The following ZMAT4 variants were observed in gnomAD, a reference collection of about 807,000 sequenced individuals.
ZMAT4 encodes the protein zinc finger matrin-type protein 4.
ZMAT4 carries 17 observed loss-of-function variants against 28.7 expected under a neutral mutation model. The ratio of observed to expected loss-of-function variants is 0.59; its 90% CI spans 0.41 to 0.89. The LOEUF is 0.89. ZMAT4 is among the 40% of genes least tolerant of loss of function. The probability of loss-of-function intolerance (pLI) is 0.00; values close to 1 mark genes in which losing one functional copy is unlikely to be tolerated. For missense variants in ZMAT4, 240 were observed against 283.8 expected (o/e 0.85, Z 1.11); for synonymous variants, 117 against 109.2 (o/e 1.07, Z -0.44).
At chr8:40,747,967 G>C (rs1342570524) in intron 3 of ZMAT4, among the ~76,000 whole-genome samples, 1 of 151,720 alleles carries the variant, frequency 6.6e-6, no homozygotes, top group East Asian at 1.9e-4. Context: ...AATTTTAAAC[G>C]ACCAACATTG....
chr8:40,855,948 C>T (rs1203689073), intron 1 of ZMAT4, among the ~76,000 whole-genome samples: 1 of 152,084 alleles, frequency 6.6e-6, no homozygotes, highest in Non-Finnish European at 1.5e-5. Flanking sequence ...ACCTCGACCT[C>T]CCAAAGTGCT....
chr8:40,837,556 G>A (rs1816540905), intron 1 of ZMAT4, among the ~76,000 whole-genome samples: 1 of 152,182 alleles, frequency 6.6e-6, no homozygotes, highest in African/African-American at 2.4e-5. Context: ...AACCTCTTAT[G>A]TGCTTTGTAG....
At chr8:40,591,694 A>G (rs1047885527) in intron 5 of ZMAT4, among the ~76,000 whole-genome samples, 1 of 152,224 alleles carries the variant, frequency 6.6e-6, no homozygotes, top group Non-Finnish European at 1.5e-5. Flanking sequence ...CTTATTCTGT[A>G]TCATTCGTAG....
At chr8:40,610,827 GA>G (rs1585754977) in intron 5 of ZMAT4, among the ~76,000 whole-genome samples, 1 of 150,480 alleles carries the variant, frequency 6.6e-6, no homozygotes, top group African/African-American at 2.4e-5. Context: ...GGGAATAAGA[GA>G]TAGGCCATAG....
chr8:40,881,431 GAGAGAAAGAA>G (rs1818220396), intron 1 of ZMAT4, among the ~76,000 whole-genome samples: 2 of 101,666 alleles, frequency 2.0e-5, no homozygotes, highest in African/African-American at 8.2e-5. Context: ...AAAGAAGAAA[GAGAGAAAGAA>G]AGAAAGAAAG....
intron 2 of ZMAT4, among the ~76,000 whole-genome samples, chr8:40,769,089 C>T (rs1275965708): frequency 1.3e-5 from 2 of 152,124 alleles, no homozygotes; most frequent in Admixed American, 6.5e-5. Flanking sequence ...CTAGACAATC[C>T]CTGAACACTT....
At chr8:40,604,979 A>T (rs1331492333) in intron 5 of ZMAT4, among the ~76,000 whole-genome samples, 1 of 152,136 alleles carries the variant, frequency 6.6e-6, no homozygotes, top group Non-Finnish European at 1.5e-5. Context: ...AAATGTGCTC[A>T]TAGTAGCCCT....
At chr8:40,815,022 C>A (rs1354685098) in intron 2 of ZMAT4, among the ~76,000 whole-genome samples, 1 of 152,166 alleles carries the variant, frequency 6.6e-6, no homozygotes, top group Non-Finnish European at 1.5e-5. Flanking sequence ...TGCCTGTAAT[C>A]CCAGCACTTT....
intron 1 of ZMAT4, among the ~76,000 whole-genome samples, chr8:40,853,651 T>C (rs183605752): frequency 4.6e-5 from 7 of 152,358 alleles, no homozygotes; most frequent in Middle Eastern, 3.4e-3. Flanking sequence ...GGTTTCTTTT[T>C]ACTGTGGGTG....
At chr8:40,536,610 C>T (rs1215413600) in intron 6 of ZMAT4, among the ~76,000 whole-genome samples, 3 of 152,050 alleles carry the variant, frequency 2.0e-5, no homozygotes, top group Admixed American at 6.6e-5. Flanking sequence ...TCACATGTTG[C>T]CATGGTTGGT....
At chr8:40,713,163 AATT>A (rs1810699933) in intron 3 of ZMAT4, among the ~76,000 whole-genome samples, 1 of 152,176 alleles carries the variant, frequency 6.6e-6, no homozygotes, top group Non-Finnish European at 1.5e-5. Flanking sequence ...AACACATTCA[AATT>A]AGTATGTAAT....
chr8:40,575,860 T>C (rs903753342), intron 6 of ZMAT4, among the ~76,000 whole-genome samples: 1 of 151,636 alleles, frequency 6.6e-6, no homozygotes, highest in Admixed American at 6.6e-5. Context: ...AATAAAAATA[T>C]TAAGGAAATT....
At chr8:40,805,183 A>C (rs1010993894) in intron 2 of ZMAT4, among the ~76,000 whole-genome samples, 14 of 152,088 alleles carry the variant, frequency 9.2e-5, no homozygotes, top group East Asian at 1.9e-4. Context: ...AAAACACATG[A>C]AAAAATGCTC....
chr8:40,568,208 A>G (rs1012046734), intron 6 of ZMAT4, among the ~76,000 whole-genome samples: 5 of 152,152 alleles, frequency 3.3e-5, no homozygotes, highest in African/African-American at 1.2e-4. Flanking sequence ...ATTTTGTCAA[A>G]GAGCTAGAGG....
chr8:40,584,554 GCC>G (rs1804600836), intron 5 of ZMAT4, among the ~76,000 whole-genome samples: 1 of 152,126 alleles, frequency 6.6e-6, no homozygotes, highest in Non-Finnish European at 1.5e-5. Flanking sequence ...CGTGAAACTT[GCC>G]CTAGTTTCTA....
intron 4 of ZMAT4, among the ~76,000 whole-genome samples, chr8:40,684,478 T>C (rs1809314395): frequency 6.6e-6 from 1 of 152,182 alleles, no homozygotes. Context: ...TCACAGGCAG[T>C]ATCCTATAGG....
intron 2 of ZMAT4, among the ~76,000 whole-genome samples, chr8:40,784,683 T>C (rs770145457): frequency 2.6e-5 from 4 of 152,124 alleles, no homozygotes; most frequent in African/African-American, 4.8e-5. Context: ...TTCCATCAGT[T>C]TGATGGACGT....
At chr8:40,670,149 T>C (rs1398255932) in intron 5 of ZMAT4, among the ~76,000 whole-genome samples, 1 of 152,140 alleles carries the variant, frequency 6.6e-6, no homozygotes, top group Admixed American at 6.5e-5. Context: ...TTTCGAGACT[T>C]CTAGAATGCT....
chr8:40,542,910 C>T (rs1279946316), intron 6 of ZMAT4, among the ~76,000 whole-genome samples: 1 of 152,164 alleles, frequency 6.6e-6, no homozygotes, highest in Non-Finnish European at 1.5e-5. Context: ...AGGCCATTCC[C>T]TAAGTTCCTT....
Sources: allele counts gnomAD v4.1 joint callset (sites outside exome capture counted in the v4.1 genomes callset), GRCh38; gene constraint gnomAD v4.1.1; transcripts MANE v1.5; gene names NCBI Gene and HGNC (gene_info 2026-07-23, HGNC 2026-07-21).